The following DTNA variants were observed in gnomAD, a reference collection of about 807,000 sequenced individuals.
DTNA encodes dystrophin-related protein 3.
Under a neutral mutation model 100.7 loss-of-function variants are expected in DTNA, and 43 were observed. That is an observed-to-expected ratio of 0.43 (90% CI 0.33 to 0.55). The LOEUF is 0.55. Among genes scored for constraint, DTNA ranks in the 20% least tolerant of loss-of-function variants. The pLI, the probability that DTNA is intolerant of heterozygous loss-of-function variation, is 0.04. For synonymous variants in DTNA, 349 were observed against 347.9 expected, an observed-to-expected ratio of 1.00 and a Z score of -0.04; for missense variants, 798 against 953.9, an observed-to-expected ratio of 0.84 and a Z score of 2.15.
chr18:34,820,757 C>T, intron 8 of DTNA, 34 bp from the exon 9 acceptor site: 1 of 1,613,766 alleles, frequency 6.2e-7, no homozygotes, highest in Non-Finnish European at 8.5e-7. Flanking sequence ...TAAATATTAG[C>T]TGTTGTCACT....
At chr18:34,517,349 C>A in intron 1 of DTNA, among the ~76,000 whole-genome samples, 1 of 152,004 alleles carries the variant, frequency 6.6e-6, no homozygotes, top group East Asian at 1.9e-4. Flanking sequence ...ACTTGTCACC[C>A]AATTTACCCA....
intron 2 of DTNA, among the ~76,000 whole-genome samples, chr18:34,761,721 T>A (rs1250759593): frequency 6.6e-6 from 1 of 152,224 alleles, no homozygotes; most frequent in African/African-American, 2.4e-5. Context: ...TTGTTTTAGT[T>A]TTTTTATTAT....
chr18:34,823,108 T>C (rs946452287), intron 9 of DTNA, among the ~76,000 whole-genome samples: 1 of 152,246 alleles, frequency 6.6e-6, no homozygotes, highest in African/African-American at 2.4e-5. Flanking sequence ...AATGCTATTG[T>C]CATGAGTAGA....
chr18:34,585,937 A>G (rs2049090784), intron 1 of DTNA, among the ~76,000 whole-genome samples: 1 of 152,196 alleles, frequency 6.6e-6, no homozygotes, highest in Non-Finnish European at 1.5e-5. Context: ...CATGAATGCC[A>G]TGAATACTAG....
chr18:34,623,591 A>G (rs1322139028), intron 1 of DTNA, among the ~76,000 whole-genome samples: 1 of 152,222 alleles, frequency 6.6e-6, no homozygotes, highest in African/African-American at 2.4e-5. Flanking sequence ...AACACATAGA[A>G]GAAATAAATG....
intron 1 of DTNA, among the ~76,000 whole-genome samples, chr18:34,693,745 A>G (rs929535597): frequency 4.1e-4 from 42 of 102,628 alleles, no homozygotes; most frequent in Non-Finnish European, 6.6e-4. Context: ...TCTTGTGTGC[A>G]CTGTGTGTGT....
At chr18:34,609,990 C>G (rs144814056) in intron 1 of DTNA, among the ~76,000 whole-genome samples, 4 of 152,058 alleles carry the variant, frequency 2.6e-5, no homozygotes, top group African/African-American at 9.7e-5. Context: ...TAGCGATATC[C>G]TCTTATCCTC....
intron 17 of DTNA, among the ~76,000 whole-genome samples, chr18:34,873,168 G>A (rs969443619): frequency 6.6e-6 from 1 of 152,118 alleles, no homozygotes; most frequent in Non-Finnish European, 1.5e-5. Flanking sequence ...ATGTAAAAGT[G>A]CTTTGTACAT....
At chr18:34,634,219 C>A (rs1246601512) in intron 1 of DTNA, among the ~76,000 whole-genome samples, 1 of 152,146 alleles carries the variant, frequency 6.6e-6, no homozygotes, top group Non-Finnish European at 1.5e-5. Flanking sequence ...CATTTCTGTA[C>A]GTTAGCTATT....
intron 1 of DTNA, among the ~76,000 whole-genome samples, chr18:34,569,353 A>C (rs2047367509): frequency 6.6e-6 from 1 of 152,154 alleles, no homozygotes; most frequent in East Asian, 1.9e-4. Context: ...TTAGGAAGGA[A>C]AGGGAGTACT....
In DTNA at chr18:34,889,059, G is replaced by T. The variant is rs973442759; in HGVS notation, c.*1325G>T. The stretch of plus-strand genomic sequence containing the variant: ...TCTTTTCCAAGGACCCTCTTTAGAG[G>T]GCCCTAAAGACCTCCTTTGGGAATT... On this transcript the variant is annotated 3_prime_UTR_variant, in exon 23 of 23. Coordinates refer to ENST00000444659, the MANE Select transcript of DTNA (RefSeq NM_001386795.1). The T allele has an allele frequency of 4.1e-6, 4 of 985,560 alleles. No homozygotes were observed. Among genetic ancestry groups the T allele is most frequent in the Admixed American group, 6.1e-5 (1 of 16,266 alleles). The allele number at this position is 985,560 out of a possible 1,614,324, so 61.1% of individuals were successfully genotyped here.
At position 34,882,089 on chromosome 18, in the gene DTNA, C is replaced by A; in HGVS notation, c.2183C>A (p.Pro728His). Residue 728 changes from proline (P) to histidine (H), a missense_variant, in exon 21 of 23, where the codon CCC becomes CAC. Coordinates refer to ENST00000444659, the MANE Select transcript of DTNA (RefSeq NM_001386795.1). ...RGDMVTEDAD[P>H]YVQPEDENYE... is the part of the protein sequence containing the mutation. ...TTCAGGGTTACGGAGGATGCAGATC[C>A]CTATGTGCAGCCTGAAGATGAAAAC... 1.2e-6 allele frequency: 2 copies of A among 1,613,968 alleles called. No individual in the cohort carries two copies. The highest frequency in any genetic ancestry group is 1.7e-6 in the Non-Finnish European group (2 of 1,179,956).
chr18:34,822,017 C>T (rs751934929), intron 9 of DTNA, among the ~76,000 whole-genome samples: 7 of 152,034 alleles, frequency 4.6e-5, no homozygotes, highest in African/African-American at 1.2e-4. Flanking sequence ...TGCTTGTTCC[C>T]GGGGATGCTC....
At chr18:34,760,191 C>T (rs533905874) in intron 2 of DTNA, 23 of 152,302 alleles carry the variant, frequency 1.5e-4, no homozygotes, top group African/African-American at 5.3e-4. Context: ...CTTGCTTCTT[C>T]ATTTCTCATG....
chr18:34,636,500 T>C (rs1390488890), intron 1 of DTNA, among the ~76,000 whole-genome samples: 9 of 152,190 alleles, frequency 5.9e-5, no homozygotes, highest in Non-Finnish European at 1.2e-4. Context: ...TAGTTAAAAA[T>C]TACTAGTGAA....
At chr18:34,559,100 C>G (rs368217745) in intron 1 of DTNA, among the ~76,000 whole-genome samples, 2 of 152,064 alleles carry the variant, frequency 1.3e-5, no homozygotes, top group Non-Finnish European at 2.9e-5. Flanking sequence ...GTTCTAGTAA[C>G]AATAATACAT....
At chr18:34,600,224 A>C (rs549739695) in intron 1 of DTNA, among the ~76,000 whole-genome samples, 2 of 152,180 alleles carry the variant, frequency 1.3e-5, no homozygotes, top group African/African-American at 4.8e-5. Flanking sequence ...TTTTTATTAC[A>C]TATTTAATTA....
intron 3 of DTNA, among the ~76,000 whole-genome samples, chr18:34,781,045 G>A (rs1026071524): frequency 1.3e-5 from 2 of 152,200 alleles, no homozygotes; most frequent in African/African-American, 4.8e-5. Context: ...TATTCAGAAA[G>A]AGGCTGAGGC....
intron 18 of DTNA, 115 bp from the exon 19 acceptor site, chr18:34,877,604 G>A (rs1473148724): frequency 2.4e-6 from 2 of 835,204 alleles, no homozygotes; most frequent in Non-Finnish European, 3.8e-6. Context: ...CTGAAAAGGA[G>A]AAGTCTTAGA....
Sources: allele counts gnomAD v4.1 joint callset (sites outside exome capture counted in the v4.1 genomes callset), GRCh38; gene constraint gnomAD v4.1.1; transcripts MANE v1.5; gene names NCBI Gene and HGNC (gene_info 2026-07-23, HGNC 2026-07-21).